PSD3: variants seen among roughly 807,000 people sequenced by gnomAD.
PSD3 encodes the protein pleckstrin and Sec7 domain containing 3, also known as PH and SEC7 domain-containing protein 3.
PSD3 carries 49 observed loss-of-function variants against 105.5 expected under a neutral mutation model. That is an observed-to-expected ratio of 0.46 (90% CI 0.37 to 0.59). The LOEUF (loss-of-function observed/expected upper bound fraction) is 0.59, where lower values mean the gene tolerates loss of function less well. PSD3 is among the 20% of genes least tolerant of loss of function. PSD3 has a pLI of 0.00. For synonymous variants in PSD3, 557 were observed against 457.8 expected (o/e 1.22, Z -2.77); for missense variants, 1,561 against 1,263.8 (o/e 1.24, Z -3.57).
At chr8:18,635,896 A>C (rs1292609654) in intron 10 of PSD3, among the ~76,000 whole-genome samples, 2 of 93,186 alleles carry the variant, frequency 2.1e-5, no homozygotes, top group Non-Finnish European at 4.2e-5. Context: ...GGTGGGGTGG[A>C]GGGCAAGGGG....
At chr8:18,774,828 T>C (rs1807884675) in intron 8 of PSD3, 2 of 452,908 alleles carry the variant, frequency 4.4e-6, no homozygotes, top group Non-Finnish European at 8.9e-6. Flanking sequence ...GCGACATACA[T>C]CTGGGACAGG....
chr8:18,946,007 T>C (rs1196907591), intron 1 of PSD3, among the ~76,000 whole-genome samples: 2 of 152,104 alleles, frequency 1.3e-5, no homozygotes, highest in African/African-American at 4.8e-5. Context: ...ACATTCATAT[T>C]TTTCCATAAA....
chr8:18,628,397 T>TG (rs909066507), intron 11 of PSD3, among the ~76,000 whole-genome samples: 5 of 151,926 alleles, frequency 3.3e-5, no homozygotes, highest in African/African-American at 1.2e-4. Context: ...AGACTTTTTT[T>TG]GTCTGAAATC....
chr8:18,775,560 G>A (rs758011999), intron 8 of PSD3, among the ~76,000 whole-genome samples: 1 of 152,098 alleles, frequency 6.6e-6, no homozygotes, highest in Non-Finnish European at 1.5e-5. Context: ...GATATCTCCT[G>A]TGGTTTTGAT....
intron 1 of PSD3, chr8:18,939,971 G>A (rs1329868178): frequency 6.6e-6 from 1 of 152,182 alleles, no homozygotes; most frequent in East Asian, 1.9e-4. Flanking sequence ...ACGTGCATGT[G>A]AGTGTGTGTG....
chr8:18,529,563 C>T lies in PSD3; in HGVS notation c.*6180G>A, dbSNP rs1010156781. 2 of 152,572 alleles carry T rather than the reference C, an allele frequency of 1.3e-5. No homozygotes were observed. The highest frequency in any genetic ancestry group is 2.9e-5 in the Non-Finnish European group (2 of 68,028). 9.5% of individuals were successfully genotyped at this position (152,572 alleles called of 1,614,324 possible). ...ATGGTTACCCTAAATGGAAAGCAAC[C>T]ACTTTACTGTCCCCTAAGCTTCAAT... On this transcript the variant is annotated 3_prime_UTR_variant, in exon 16 of 16. Coordinates refer to ENST00000327040, the MANE Select transcript of PSD3 (RefSeq NM_015310.4).
chr8:19,020,438 T>G (rs1368514193), intron 1 of PSD3, among the ~76,000 whole-genome samples: 1 of 152,048 alleles, frequency 6.6e-6, no homozygotes, highest in Non-Finnish European at 1.5e-5. Context: ...CTGGCGTGTT[T>G]TGAGCACAGC....
intron 14 of PSD3, among the ~76,000 whole-genome samples, chr8:18,567,927 A>G (rs1282119344): frequency 2.6e-5 from 4 of 152,164 alleles, no homozygotes. Flanking sequence ...ATCCCTCATG[A>G]ATGGCTTGAT....
At chr8:18,954,548 T>G (rs1823439986) in intron 1 of PSD3, among the ~76,000 whole-genome samples, 1 of 152,066 alleles carries the variant, frequency 6.6e-6, no homozygotes, top group South Asian at 2.1e-4. Flanking sequence ...CATCCATCCA[T>G]CCATCCATCC....
chr8:19,080,428 A>C (rs1829606239), intron 1 of PSD3, among the ~76,000 whole-genome samples: 1 of 152,208 alleles, frequency 6.6e-6, no homozygotes, highest in Non-Finnish European at 1.5e-5. Context: ...AATGTACTTC[A>C]TAGATTTACA....
intron 10 of PSD3, among the ~76,000 whole-genome samples, chr8:18,648,254 C>T (rs1585494497): frequency 6.6e-6 from 1 of 152,170 alleles, no homozygotes; most frequent in Admixed American, 6.5e-5. Context: ...CTAGAGGCTT[C>T]TTAAATTGTT....
chr8:19,016,022 CACT>C (rs1212737753), upstream of PSD3, among the ~76,000 whole-genome samples: 1 of 152,170 alleles, frequency 6.6e-6, no homozygotes, highest in South Asian at 2.1e-4. Flanking sequence ...CCAGTGTTAC[CACT>C]ACTAAGTCAA....
chr8:18,996,970 A>G (rs1051262986), intron 1 of PSD3, among the ~76,000 whole-genome samples: 4 of 151,820 alleles, frequency 2.6e-5, no homozygotes, highest in African/African-American at 9.7e-5. Context: ...GTTTTTTCAC[A>G]TGGCTGGCAA....
intron 9 of PSD3, among the ~76,000 whole-genome samples, chr8:18,707,337 T>C (rs969539913): frequency 1.3e-5 from 2 of 152,196 alleles, no homozygotes; most frequent in Non-Finnish European, 2.9e-5. Context: ...AAGTTTTCTA[T>C]ACACAGCCCA....
chr8:18,992,095 T>C (rs539181696), intron 1 of PSD3, among the ~76,000 whole-genome samples: 3 of 152,310 alleles, frequency 2.0e-5, no homozygotes, highest in Admixed American at 6.5e-5. Flanking sequence ...CAGTCTATGG[T>C]AGAACATTTT....
At chr8:18,995,747 G>A (rs1826042408) in intron 1 of PSD3, among the ~76,000 whole-genome samples, 1 of 152,000 alleles carries the variant, frequency 6.6e-6, no homozygotes, top group South Asian at 2.1e-4. Flanking sequence ...GCAGGCAAGA[G>A]AGCATGTGCA....
At chr8:18,832,103 C>A (rs758098941) in intron 4 of PSD3, among the ~76,000 whole-genome samples, 1 of 152,144 alleles carries the variant, frequency 6.6e-6, no homozygotes, top group Non-Finnish European at 1.5e-5. Context: ...CCTCCAACTG[C>A]CTTTTTCACT....
chr8:18,849,714 G>A (rs1229155850), intron 4 of PSD3: 1 of 152,198 alleles, frequency 6.6e-6, no homozygotes, highest in Non-Finnish European at 1.5e-5. Flanking sequence ...AATCTCTGAG[G>A]TGGATTCTTT....
intron 1 of PSD3, among the ~76,000 whole-genome samples, chr8:18,981,264 G>A (rs943469516): frequency 6.6e-6 from 1 of 152,064 alleles, no homozygotes; most frequent in African/African-American, 2.4e-5. Flanking sequence ...GTAAAAATCA[G>A]GAAAGACGCA....
Sources: allele counts gnomAD v4.1 joint callset (sites outside exome capture counted in the v4.1 genomes callset), GRCh38; gene constraint gnomAD v4.1.1; transcripts MANE v1.5; gene names NCBI Gene and HGNC (gene_info 2026-07-23, HGNC 2026-07-21).